SBF2: variants seen among roughly 807,000 people sequenced by gnomAD.
The protein encoded by SBF2 is SET binding factor 2, also known as myotubularin-related protein 13.
A neutral mutation model predicts 225.2 loss-of-function variants in SBF2; 112 were observed. The ratio of observed to expected loss-of-function variants is 0.50; its 90% CI spans 0.43 to 0.58. The LOEUF (loss-of-function observed/expected upper bound fraction) is 0.58, where lower values mean the gene tolerates loss of function less well. SBF2 is among the 20% of genes least tolerant of loss of function. SBF2 has a pLI of 0.00. For missense variants in SBF2, 1,996 were observed against 2,206.2 expected, an observed-to-expected ratio of 0.90 and a Z score of 1.91; for synonymous variants, 763 against 773.3, an observed-to-expected ratio of 0.99 and a Z score of 0.22.
chr11:10,158,764 T>C (rs1269073620), intron 2 of SBF2, among the ~76,000 whole-genome samples: 1 of 152,104 alleles, frequency 6.6e-6, no homozygotes, highest in African/African-American at 2.4e-5. Context: ...ATTCAACAAA[T>C]GGAATTCAAC....
chr11:9,939,772 AT>A, intron 16 of SBF2, among the ~76,000 whole-genome samples: 1 of 152,276 alleles, frequency 6.6e-6, no homozygotes, highest in Admixed American at 6.5e-5. Context: ...ATAAAGACGT[AT>A]ATACAAGGAT....
At chr11:10,269,181 C>CAG (rs1434262834) in intron 1 of SBF2, among the ~76,000 whole-genome samples, 1 of 152,160 alleles carries the variant, frequency 6.6e-6, no homozygotes, top group Non-Finnish European at 1.5e-5. Context: ...ATAATGTTTC[C>CAG]AGAGCTATGT....
rs151047806 is a variant in SBF2 at position 10,040,550 on chromosome 11, C to T, written c.279+2294G>A. ...GCAATATATGTAGTATGTACTAGATCCTGTACTGGAAGAAAAAAGGGATGG... is the reference window on the plus strand; with the variant it reads ...GCAATATATGTAGTATGTACTAGATTCTGTACTGGAAGAAAAAAGGGATGG... On this transcript the variant is annotated intron_variant, in intron 3 of 39. Coordinates refer to ENST00000256190, the MANE Select transcript of SBF2 (RefSeq NM_030962.4). Among the ~76,000 whole-genome samples the T allele has an allele frequency of 2.2e-3, 336 of 151,640 alleles. 2 individuals carry two copies. The highest frequency in any genetic ancestry group is 7.8e-3 in the African/African-American group (322 of 41,368).
At chr11:10,015,931 T>A (rs547426758) in intron 6 of SBF2, among the ~76,000 whole-genome samples, 1 of 151,970 alleles carries the variant, frequency 6.6e-6, no homozygotes, top group South Asian at 2.1e-4. Flanking sequence ...GTGCCCCCCA[T>A]CACTCCAGCT....
rs560478336 is a variant in SBF2, at chr11:10,090,917, T to C, written c.142-47936A>G. 3.3e-5 allele frequency among the ~76,000 whole-genome samples: 5 copies of C among 152,252 alleles called. No individual in the cohort carries two copies. In the South Asian group the frequency reaches 1.0e-3, roughly 32 times the overall value. On this transcript the variant is annotated intron_variant, in intron 2 of 39. Coordinates refer to ENST00000256190, the MANE Select transcript of SBF2 (RefSeq NM_030962.4). ...CTTCAATTTCCAGCTCCAGGGGCTA[T>C]GAACAAGGAGTTTCTACTATAAAAC... is the stretch of plus-strand genomic sequence containing the variant.
intron 2 of SBF2, among the ~76,000 whole-genome samples, chr11:10,129,153 G>C (rs372827651): frequency 1.3e-4 from 19 of 142,410 alleles, no homozygotes; most frequent in African/African-American, 4.2e-4. Context: ...CATCAGGCTG[G>C]AGTGCAGTGG....
chr11:9,906,415 C>A (rs924790796), intron 16 of SBF2, among the ~76,000 whole-genome samples: 4 of 152,156 alleles, frequency 2.6e-5, no homozygotes, highest in Non-Finnish European at 4.4e-5. Context: ...GAATTTCAAT[C>A]CATGACCAAT....
intron 16 of SBF2, among the ~76,000 whole-genome samples, chr11:9,918,483 A>G (rs1863302672): frequency 6.6e-6 from 1 of 151,964 alleles, no homozygotes; most frequent in Admixed American, 6.6e-5. Flanking sequence ...CTTCCTGAGT[A>G]GCTGGAACTA....
intron 16 of SBF2, among the ~76,000 whole-genome samples, chr11:9,896,303 T>C (rs1363991061): frequency 2.6e-5 from 4 of 152,208 alleles, no homozygotes; most frequent in African/African-American, 4.8e-5. Flanking sequence ...CACCTTTACT[T>C]TCCTGCTCTA....
intron 17 of SBF2, among the ~76,000 whole-genome samples, chr11:9,884,332 A>C (rs1024097387): frequency 6.6e-6 from 1 of 152,178 alleles, no homozygotes; most frequent in South Asian, 2.1e-4. Context: ...AATAATCTGG[A>C]CCTTTAGTTT....
At chr11:10,270,576 A>T (rs972112007) in intron 1 of SBF2, among the ~76,000 whole-genome samples, 1 of 152,244 alleles carries the variant, frequency 6.6e-6, no homozygotes, top group African/African-American at 2.4e-5. Context: ...GGACCAACGC[A>T]GTTCAAATCC....
At chr11:10,174,108 C>T (rs1221660561) in intron 2 of SBF2, among the ~76,000 whole-genome samples, 2 of 152,014 alleles carry the variant, frequency 1.3e-5, no homozygotes, top group Admixed American at 6.6e-5. Context: ...GAGCGCCTCT[C>T]CTCCTCCAAA....
At chr11:10,172,000 T>C (rs1390034097) in intron 2 of SBF2, among the ~76,000 whole-genome samples, 1 of 152,198 alleles carries the variant, frequency 6.6e-6, no homozygotes, top group Non-Finnish European at 1.5e-5. Flanking sequence ...GTCTTCTTTT[T>C]AATCTCTGGT....
intron 2 of SBF2, among the ~76,000 whole-genome samples, chr11:10,145,983 A>G (rs549341542): frequency 3.3e-5 from 5 of 152,304 alleles, no homozygotes; most frequent in African/African-American, 1.2e-4. Flanking sequence ...AATTGCCAAA[A>G]AAAGAAAGAG....
intron 2 of SBF2, among the ~76,000 whole-genome samples, chr11:10,058,223 A>T (rs1950319785): frequency 6.6e-6 from 1 of 152,256 alleles, no homozygotes; most frequent in African/African-American, 2.4e-5. Flanking sequence ...GATCAGTAAG[A>T]TTCAGGAGGA....
chr11:10,130,163 C>T (rs1004268818), intron 2 of SBF2, among the ~76,000 whole-genome samples: 6 of 152,134 alleles, frequency 3.9e-5, no homozygotes, highest in Non-Finnish European at 8.8e-5. Flanking sequence ...GAGATTGAAA[C>T]CATCCTGGCT....
At chr11:10,293,536 AG>A (rs1210258421) in intron 1 of SBF2, among the ~76,000 whole-genome samples, 11 of 152,210 alleles carry the variant, frequency 7.2e-5, no homozygotes, top group Non-Finnish European at 1.5e-4. Flanking sequence ...CCAACAGCAC[AG>A]GGGTGAGTTA....
intron 1 of SBF2, among the ~76,000 whole-genome samples, chr11:10,252,667 G>A (rs1434256001): frequency 1.3e-5 from 2 of 152,004 alleles, no homozygotes; most frequent in Non-Finnish European, 2.9e-5. Context: ...AAAATTAGCC[G>A]GGCATGGTGG....
chr11:9,996,135 C>T (rs1398214202), intron 9 of SBF2, among the ~76,000 whole-genome samples: 3 of 152,136 alleles, frequency 2.0e-5, no homozygotes, highest in African/African-American at 4.8e-5. Flanking sequence ...AGAACCCTTA[C>T]CAGGAGCCAT....
Sources: allele counts gnomAD v4.1 joint callset (sites outside exome capture counted in the v4.1 genomes callset), GRCh38; gene constraint gnomAD v4.1.1; transcripts MANE v1.5; gene names NCBI Gene and HGNC (gene_info 2026-07-23, HGNC 2026-07-21).